Variants in UGT1A10 observed in about 807,000 individuals in gnomAD.
UGT1A10 encodes UDP glucuronosyltransferase family 1 member A10.
UGT1A10 carries 49 observed loss-of-function variants against 45.8 expected under a neutral mutation model. The observed-to-expected ratio is 1.07, with a 90% CI of 0.85 to 1.36. UGT1A10 has a LOEUF of 1.36. UGT1A10 is among the 40% of genes most tolerant of loss of function. The pLI, the probability that UGT1A10 is intolerant of heterozygous loss-of-function variation, is 0.00. For synonymous variants in UGT1A10, 284 were observed against 249.7 expected (o/e 1.14, Z -1.29); for missense variants, 745 against 668.6 (o/e 1.11, Z -1.26).
intron 1 of UGT1A10, among the ~76,000 whole-genome samples, chr2:233,676,768 G>T (rs542086900): frequency 6.6e-6 from 1 of 152,158 alleles, no homozygotes; most frequent in Non-Finnish European, 1.5e-5. Context: ...TAGACTTTTG[G>T]TAGGAAGACA....
intron 1 of UGT1A10, among the ~76,000 whole-genome samples, chr2:233,727,580 T>C (rs17863793): frequency 3.9e-5 from 6 of 152,020 alleles, no homozygotes; most frequent in African/African-American, 1.4e-4. Flanking sequence ...TTAGGAAGCA[T>C]ATAGTTTTAA....
intron 1 of UGT1A10, among the ~76,000 whole-genome samples, chr2:233,717,094 ACTAT>A (rs2076547098): frequency 6.6e-6 from 1 of 152,186 alleles, no homozygotes; most frequent in Admixed American, 6.5e-5. Flanking sequence ...AGATGACATC[ACTAT>A]CTAAATAAAA....
chr2:233,772,893 C>A lies in UGT1A10; in HGVS notation c.*334C>A, dbSNP rs1248675472. 18 of 490,984 alleles carry A rather than the reference C, an allele frequency of 3.7e-5. No individual in the cohort carries two copies. In the East Asian group the frequency reaches 9.8e-4, roughly 27 times the overall value. 30.4% of individuals were successfully genotyped at this position (490,984 alleles called of 1,614,324 possible). A position where few individuals can be genotyped will look rare whatever the true frequency, so the allele number is the denominator to read the frequency against. ...TGGGAGTGCGGGATTCAAAGGTGGTCCCACGGCTGCCCCTACTGCAAATGG... is the reference window on the plus strand; with the variant it reads ...TGGGAGTGCGGGATTCAAAGGTGGTACCACGGCTGCCCCTACTGCAAATGG... On this transcript the variant is annotated 3_prime_UTR_variant, in exon 5 of 5. Transcript: ENST00000344644.
chr2:233,637,616 A>T (rs2073333763), intron 1 of UGT1A10, among the ~76,000 whole-genome samples: 1 of 152,204 alleles, frequency 6.6e-6, no homozygotes, highest in Admixed American at 6.5e-5. Context: ...CTACATTTTA[A>T]AATACGATGT....
intron 1 of UGT1A10, among the ~76,000 whole-genome samples, chr2:233,676,666 G>A (rs768806878): frequency 3.3e-5 from 5 of 152,150 alleles, no homozygotes; most frequent in Admixed American, 1.3e-4. Flanking sequence ...GGGCAGTTTC[G>A]AGCAGTCCTA....
At chr2:233,715,625 A>T (rs2076461425) in intron 1 of UGT1A10, among the ~76,000 whole-genome samples, 1 of 152,080 alleles carries the variant, frequency 6.6e-6, no homozygotes, top group Admixed American at 6.6e-5. Context: ...TTAAAAAATT[A>T]TCCAGGTGTG....
intron 1 of UGT1A10, among the ~76,000 whole-genome samples, chr2:233,652,282 A>G (rs1271352344): frequency 2.0e-5 from 3 of 152,226 alleles, no homozygotes; most frequent in Non-Finnish European, 4.4e-5. Context: ...TTTTTGTCAA[A>G]GTTTTCAAAT....
At chr2:233,736,010 G>A (rs1165111643) in intron 1 of UGT1A10, among the ~76,000 whole-genome samples, 2 of 152,178 alleles carry the variant, frequency 1.3e-5, no homozygotes, top group East Asian at 1.9e-4. Flanking sequence ...TTCTCGAGGA[G>A]TATCTTTGTG....
chr2:233,729,694 C>A (rs1447462481), intron 1 of UGT1A10: 7 of 1,613,908 alleles, frequency 4.3e-6, no homozygotes, highest in Non-Finnish European at 5.9e-6. Flanking sequence ...GTGTCCAAAC[C>A]CTTCCTCCTA....
At chr2:233,757,176 AG>A (rs1350201754) in intron 1 of UGT1A10, among the ~76,000 whole-genome samples, 4 of 151,300 alleles carry the variant, frequency 2.6e-5, no homozygotes, top group Non-Finnish European at 5.9e-5. Flanking sequence ...TTTGAGAGCA[AG>A]GCAGAGGACT....
intron 1 of UGT1A10, among the ~76,000 whole-genome samples, chr2:233,683,821 C>T (rs17864687): frequency 0.017 from 2,641 of 152,088 alleles, 25 homozygotes; most frequent in African/African-American, 0.031. Context: ...ACTAAACTCT[C>T]GTATTAGTAT....
Position 233,772,408 on chromosome 2 carries a change from A to T in UGT1A10, c.1442A>T (p.Tyr481Phe). The T allele has an allele frequency of 6.2e-7, 1 of 1,614,210 alleles. No homozygotes were observed. Among genetic ancestry groups the T allele is most frequent in the Middle Eastern group, 1.6e-4 (1 of 6,062 alleles). ...CCCGCAGCCCACGACCTCACCTGGT[A>T]CCAGTACCATTCCTTGGACGTGATT... ...LRPAAHDLTW[Y>F]QYHSLDVIGF... Residue 481 changes from tyrosine to phenylalanine, a missense_variant, in exon 5 of 5, where the codon TAC (tyrosine) becomes TTC (phenylalanine). Transcript: ENST00000344644.
intron 1 of UGT1A10, among the ~76,000 whole-genome samples, chr2:233,639,020 G>A (rs1252844937): frequency 6.6e-6 from 1 of 152,160 alleles, no homozygotes; most frequent in Non-Finnish European, 1.5e-5. Flanking sequence ...GCCTTCGGCC[G>A]AGTTGAGGAT....
intron 1 of UGT1A10, among the ~76,000 whole-genome samples, chr2:233,759,519 G>A (rs757989605): frequency 9.9e-5 from 15 of 152,084 alleles, no homozygotes; most frequent in Non-Finnish European, 2.2e-4. Context: ...GCCTGTCCTT[G>A]GGGAAGACTT....
intron 1 of UGT1A10, among the ~76,000 whole-genome samples, chr2:233,670,671 T>G (rs2074166342): frequency 6.6e-6 from 1 of 152,186 alleles, no homozygotes; most frequent in Non-Finnish European, 1.5e-5. Context: ...TTCTCACAGA[T>G]TCATATCTTG....
At chr2:233,661,627 C>CTTTCTTTCTTTA (rs755405056) in intron 1 of UGT1A10, among the ~76,000 whole-genome samples, 32 of 106,216 alleles carry the variant, frequency 3.0e-4, no homozygotes, top group African/African-American at 9.8e-4. Context: ...ACTGAATTTT[C>CTTTCTTTCTTTA]TTTCTTTCTT....
chr2:233,718,939 C>T (rs149017068), intron 1 of UGT1A10: 3 of 1,614,142 alleles, frequency 1.9e-6, no homozygotes, highest in East Asian at 2.2e-5. Context: ...GATGGCAGCC[C>T]CTGGCTCAGC....
intron 1 of UGT1A10, among the ~76,000 whole-genome samples, chr2:233,659,296 C>G (rs1201559147): frequency 6.6e-6 from 1 of 152,092 alleles, no homozygotes; most frequent in Non-Finnish European, 1.5e-5. Flanking sequence ...TCATTTTGAC[C>G]CCCATAACTT....
At chr2:233,747,346 G>T in intron 1 of UGT1A10, 1 of 1,603,164 alleles carries the variant, frequency 6.2e-7, no homozygotes, top group African/African-American at 1.3e-5. Flanking sequence ...GCTCGCATGC[G>T]GGAGGCCGTG....
Sources: allele counts gnomAD v4.1 joint callset (sites outside exome capture counted in the v4.1 genomes callset), GRCh38; gene constraint gnomAD v4.1.1; transcripts MANE v1.5; gene names NCBI Gene and HGNC (gene_info 2026-07-23, HGNC 2026-07-21).